The following RGPD3 variants were observed in gnomAD, a reference collection of about 807,000 sequenced individuals.
RGPD3 encodes ranBP2-like and GRIP domain-containing protein 3.
RGPD3 carries 62 observed loss-of-function variants against 154.5 expected under a neutral mutation model. That is an observed-to-expected ratio of 0.40 (90% CI 0.33 to 0.50). The LOEUF is 0.50. Ranked by LOEUF, RGPD3 falls within the 20% of genes least tolerant of loss-of-function variation. The pLI is 0.59. For missense variants in RGPD3, 919 were observed against 1,716.8 expected, an observed-to-expected ratio of 0.54 and a Z score of 8.21; for synonymous variants, 308 against 607.0, an observed-to-expected ratio of 0.51 and a Z score of 7.24.
At position 106,457,109 on chromosome 2, in the gene RGPD3, T is replaced by G. The variant is rs777392218; in HGVS notation, c.267A>C (p.Leu89Phe). The G allele has an allele frequency of 7.4e-6, 12 of 1,610,900 alleles. No homozygotes were observed. In the East Asian group the frequency reaches 2.7e-4, roughly 36 times the overall value. The change falls in exon 4 of 23, where the codon TTA (leucine) becomes TTC (phenylalanine). Residue 89 changes from leucine (L) to phenylalanine (F), a missense_variant. Leu to Phe is a conservative substitution (Grantham distance 22). Coordinates refer to ENST00000409886, the MANE Select transcript of RGPD3 (RefSeq NM_001144013.2). ...ACACAAGATCTTTTTGTGTTGGGTT[T>G]AATTCCACTGAACGCTAATATCAGA... ...AVECYRRSVE[L>F]NPTQKDLVLK...
chr2:106,463,532 A>C lies in RGPD3; in HGVS notation c.73-4200T>G, dbSNP rs545479005. ...ACTTTTCCTCAAAGCAAGTGAGACTATGCTACACCAAAACAAAGAAAGTAA... is the reference window on the plus strand; with the variant it reads ...ACTTTTCCTCAAAGCAAGTGAGACTCTGCTACACCAAAACAAAGAAAGTAA... On this transcript the variant is annotated intron_variant, in intron 1 of 22. Transcript: ENST00000409886. 2.0e-4 allele frequency among the ~76,000 whole-genome samples: 30 copies of C among 152,108 alleles called. No individual in the cohort carries two copies. The South Asian group carries it at 2.3e-3, about 12-fold the overall frequency.
Position 106,413,280 on chromosome 2 carries a change from G to A in RGPD3, c.5070C>T (p.Leu1690=). 6.2e-7 allele frequency: 1 copy of A among 1,611,800 alleles called. No homozygotes were observed. ...TTTCCAATCTTCTTATTTCACTTTTGAGAAGCTGGTGTTAGAGAAATGAGT... is the reference window on the plus strand; with the variant it reads ...TTTCCAATCTTCTTATTTCACTTTTAAGAAGCTGGTGTTAGAGAAATGAGT... ...NAVLMEQIKL[L]KSEIRRLERN... The change falls in exon 22 of 23, where the codon CTC becomes CTT. Residue 1690 remains leucine (L), a synonymous_variant. Transcript: ENST00000409886.
In RGPD3 at chr2:106,424,542, G is replaced by A; in HGVS notation, c.3425C>T (p.Ala1142Val). ...TTTTGCTGCCAATCGCTCTAGTTTG[G>A]CATCACCATCAGAGAAATCACTGGC... ...WSASDFSDGD[A>V]KLERLAAKFK... The change falls in exon 20 of 23, where the codon GCC becomes GTC. Residue 1142 changes from alanine to valine, a missense_variant. Ala to Val is a moderately conservative substitution (Grantham distance 64, BLOSUM62 0). Transcript: ENST00000409886. 1.2e-6 allele frequency: 2 copies of A among 1,608,934 alleles called. No individual in the cohort carries two copies. Among genetic ancestry groups the A allele is most frequent in the Non-Finnish European group, 1.7e-6 (2 of 1,179,556 alleles).
chr2:106,417,550 G>C (rs879083542), intron 20 of RGPD3, among the ~76,000 whole-genome samples: 2 of 149,678 alleles, frequency 1.3e-5, no homozygotes, highest in Non-Finnish European at 2.9e-5. Context: ...CACAGACTCC[G>C]TATCAGTTGT....
chr2:106,442,406 T>A (rs552708096), intron 7 of RGPD3, among the ~76,000 whole-genome samples: 1 of 103,230 alleles, frequency 9.7e-6, no homozygotes, highest in Non-Finnish European at 1.9e-5. Flanking sequence ...ACATTGTAGA[T>A]AACACATTTT....
At chr2:106,466,288 C>A (rs987716643) in intron 1 of RGPD3, among the ~76,000 whole-genome samples, 1 of 151,986 alleles carries the variant, frequency 6.6e-6, no homozygotes, top group East Asian at 2.0e-4. Context: ...CTGCGCCAGC[C>A]GGCGGGCGCC....
intron 19 of RGPD3, 32 bp from the exon 20 acceptor site, chr2:106,425,298 T>C (rs1677163754): frequency 6.2e-7 from 1 of 1,609,338 alleles, no homozygotes; most frequent in Non-Finnish European, 8.5e-7. Flanking sequence ...ATTTTCTTGA[T>C]CCACATGCCC....
chr2:106,449,203 A>G (rs1678032040), intron 6 of RGPD3, among the ~76,000 whole-genome samples: 1 of 151,288 alleles, frequency 6.6e-6, no homozygotes, highest in African/African-American at 2.4e-5. Context: ...GGTGGCTCAC[A>G]CATGTAATTC....
intron 1 of RGPD3, among the ~76,000 whole-genome samples, chr2:106,467,697 AGCCGCCGGGCCAGGTCGAG>A: frequency 1.6e-5 from 1 of 63,214 alleles, no homozygotes; most frequent in South Asian, 5.4e-4. Flanking sequence ...CCATCGAGGC[AGCCGCCGGGCCAGGTCGAG>A]GCCGCCGCCT....
chr2:106,429,454 G>T (rs1184984466), intron 18 of RGPD3, among the ~76,000 whole-genome samples, 192 bp downstream of exon 18: 2 of 150,082 alleles, frequency 1.3e-5, no homozygotes, highest in Non-Finnish European at 3.0e-5. Context: ...ATCACATACG[G>T]CTCGTTTTTT....
intron 21 of RGPD3, among the ~76,000 whole-genome samples, chr2:106,415,512 T>C (rs1368999125): frequency 1.3e-5 from 2 of 151,420 alleles, no homozygotes; most frequent in Non-Finnish European, 2.9e-5. Context: ...CTGTCTCTAC[T>C]AAAAATACAA....
At chr2:106,448,033 T>G (rs1484554667) in intron 6 of RGPD3, among the ~76,000 whole-genome samples, 1 of 151,224 alleles carries the variant, frequency 6.6e-6, no homozygotes, top group African/African-American at 2.4e-5. Flanking sequence ...AAGTAAATAA[T>G]TGACAGGTAT....
At chr2:106,410,006 G>T (rs967968616) in intron 22 of RGPD3, among the ~76,000 whole-genome samples, 58 of 151,054 alleles carry the variant, frequency 3.8e-4, no homozygotes, top group Admixed American at 1.3e-3. Flanking sequence ...CTCCCAAGTA[G>T]CTGGGATTAC....
rs1185560424 is a variant in RGPD3, at chr2:106,424,410, C to A, written c.3557G>T (p.Gly1186Val). 6.2e-7 allele frequency: 1 copy of A among 1,610,832 alleles called. No individual in the cohort carries two copies. The highest frequency in any genetic ancestry group is 8.5e-7 in the Non-Finnish European group (1 of 1,179,816). The stretch of plus-strand genomic sequence containing the variant: ...TCTCTGTATTAACTTGGCAGCTCTG[C>A]CAGTATCTACAAGTTTATGGGGAGT... ...LQTPHKLVDT[G>V]RAAKLIQRAE... Residue 1186 changes from glycine to valine, a missense_variant, in exon 20 of 23, where the codon GGC (glycine) becomes GTC (valine). By Grantham distance (109) the Gly-to-Val change is moderately radical (BLOSUM62 -3). Coordinates refer to ENST00000409886, the MANE Select transcript of RGPD3 (RefSeq NM_001144013.2).
At chr2:106,460,840 TAAAA>T (rs1159855256) in intron 1 of RGPD3, among the ~76,000 whole-genome samples, 7 of 60,456 alleles carry the variant, frequency 1.2e-4, no homozygotes, top group African/African-American at 4.0e-4. Context: ...TTCCATCTCA[TAAAA>T]AAAAAAAAAA....
intron 1 of RGPD3, among the ~76,000 whole-genome samples, chr2:106,467,119 C>A (rs1678638953): frequency 1.1e-5 from 1 of 89,112 alleles, no homozygotes; most frequent in African/African-American, 3.6e-5. Flanking sequence ...GCCGGCGCCT[C>A]AACAGAGCGC....
At chr2:106,422,985 C>T in intron 20 of RGPD3, 58 bp downstream of exon 20, 2 of 1,579,836 alleles carry the variant, frequency 1.3e-6, no homozygotes, top group South Asian at 1.1e-5. Context: ...GAGTCTGCAT[C>T]AAGCTAAACA....
intron 1 of RGPD3, among the ~76,000 whole-genome samples, chr2:106,464,085 C>T (rs552678777): frequency 2.1e-4 from 32 of 152,310 alleles, no homozygotes; most frequent in Non-Finnish European, 4.3e-4. Context: ...GTGGCTCACG[C>T]CTGTAATCCC....
At chr2:106,445,649 G>C (rs4676178) in intron 7 of RGPD3, among the ~76,000 whole-genome samples, 8,104 of 143,554 alleles carry the variant, frequency 0.056, no homozygotes, top group East Asian at 0.41. Flanking sequence ...AGGCATGGTG[G>C]TGTGTGCCTG....
Sources: gnomAD v4.1 joint callset for allele counts (sites outside exome capture counted in the v4.1 genomes callset) on GRCh38, gnomAD v4.1.1 for gene constraint, MANE v1.5 for transcripts, NCBI Gene and HGNC (gene_info 2026-07-23, HGNC 2026-07-21) for gene names.